The following SMOC2 variants were observed in gnomAD, a reference collection of about 807,000 sequenced individuals.
SMOC2 encodes SPARC related modular calcium binding 2.
A neutral mutation model predicts 61.4 loss-of-function variants in SMOC2; 39 were observed. That is an observed-to-expected ratio of 0.64 (90% CI 0.49 to 0.83). SMOC2 has a LOEUF of 0.83. Among genes scored for constraint, SMOC2 ranks in the 40% least tolerant of loss-of-function variants. The pLI is 0.00. For synonymous variants in SMOC2, 247 were observed against 239.9 expected, an observed-to-expected ratio of 1.03 and a Z score of -0.27; for missense variants, 556 against 592.9, an observed-to-expected ratio of 0.94 and a Z score of 0.65.
chr6:168,609,462 C>T (rs1455769549), intron 9 of SMOC2, among the ~76,000 whole-genome samples: 1 of 152,110 alleles, frequency 6.6e-6, no homozygotes, highest in African/African-American at 2.4e-5. Context: ...GAAGAGATCA[C>T]GATGGTGCAA....
chr6:168,465,403 T>C (rs1781805388), intron 1 of SMOC2, among the ~76,000 whole-genome samples: 1 of 151,464 alleles, frequency 6.6e-6, no homozygotes, highest in Non-Finnish European at 1.5e-5. Flanking sequence ...TTTTCTCGAA[T>C]GGTCAAGATT....
intron 1 of SMOC2, among the ~76,000 whole-genome samples, chr6:168,451,629 C>CTCTA (rs768012687): frequency 6.7e-6 from 1 of 150,142 alleles, no homozygotes; most frequent in Non-Finnish European, 1.5e-5. Context: ...CTCTCTCTCT[C>CTCTA]CCTCCCTCTC....
intron 7 of SMOC2, among the ~76,000 whole-genome samples, chr6:168,573,013 T>C (rs1170132139): frequency 2.0e-5 from 2 of 98,852 alleles, no homozygotes; most frequent in Non-Finnish European, 3.9e-5. Context: ...GGACCAGGGC[T>C]GCGTGGTCCC....
chr6:168,664,564 T>A (rs1451677957), intron 12 of SMOC2: 1 of 384,836 alleles, frequency 2.6e-6, no homozygotes, highest in Non-Finnish European at 5.1e-6. Context: ...TCCTCCATTT[T>A]GTCAGGGAGG....
At chr6:168,523,621 C>T (rs1366579172) in intron 2 of SMOC2, among the ~76,000 whole-genome samples, 1 of 149,054 alleles carries the variant, frequency 6.7e-6, no homozygotes, top group African/African-American at 2.5e-5. Flanking sequence ...GGATGGTCTT[C>T]ATCTCCTGAC....
At chr6:168,653,649 CCTCTA>C (rs2115277520) in intron 11 of SMOC2, among the ~76,000 whole-genome samples, 4 of 131,454 alleles carry the variant, frequency 3.0e-5, no homozygotes, top group South Asian at 2.5e-4. Context: ...ACTCACCAAC[CCTCTA>C]CCTGAGCTCC....
At chr6:168,599,134 A>T (rs1785415780) in intron 8 of SMOC2, 130 bp downstream of exon 8, 1 of 820,380 alleles carries the variant, frequency 1.2e-6, no homozygotes, top group Non-Finnish European at 1.9e-6. Flanking sequence ...ACTCACACAC[A>T]CTGATACCAC....
At chr6:168,613,839 C>T (rs879143934) in intron 9 of SMOC2, among the ~76,000 whole-genome samples, 1 of 121,170 alleles carries the variant, frequency 8.3e-6, no homozygotes, top group Non-Finnish European at 1.7e-5. Flanking sequence ...CTCTTCACAC[C>T]TACAGCCAGC....
chr6:168,490,947 C>A (rs1298624330), intron 1 of SMOC2, among the ~76,000 whole-genome samples: 1 of 152,176 alleles, frequency 6.6e-6, no homozygotes. Context: ...GCGGGGGCGG[C>A]TGGTCTCACT....
chr6:168,441,365 G>T lies in SMOC2; in HGVS notation c.-6G>T. On this transcript the variant is annotated 5_prime_UTR_variant, in exon 1 of 13. Coordinates refer to ENST00000356284, the MANE Select transcript of SMOC2 (RefSeq NM_001166412.2). ...CCGATCTCCCGCTCCCGCCACCTCC[G>T]CCACCATGCTGCTCCCCCAGCTCTG... 1.3e-6 allele frequency: 2 copies of T among 1,502,452 alleles called. No individual in the cohort carries two copies. The highest frequency in any genetic ancestry group is 1.8e-6 in the Non-Finnish European group (2 of 1,131,882). 93.1% of individuals were successfully genotyped at this position (1,502,452 alleles called of 1,614,324 possible).
chr6:168,567,513 G>A (rs958179777), intron 7 of SMOC2, among the ~76,000 whole-genome samples: 1 of 151,828 alleles, frequency 6.6e-6, no homozygotes, highest in Non-Finnish European at 1.5e-5. Flanking sequence ...GTGTGTGTGT[G>A]TGTCTTTCTA....
At chr6:168,652,323 C>T (rs138386308) in intron 10 of SMOC2, among the ~76,000 whole-genome samples, 46 of 152,242 alleles carry the variant, frequency 3.0e-4, no homozygotes, top group African/African-American at 1.1e-3. Flanking sequence ...ATGTACAGCT[C>T]ATCCCAACAG....
At chr6:168,639,351 AAAAG>A (rs1786832148) in intron 9 of SMOC2, among the ~76,000 whole-genome samples, 1 of 152,236 alleles carries the variant, frequency 6.6e-6, no homozygotes, top group African/African-American at 2.4e-5. Flanking sequence ...TAGTTTACGA[AAAAG>A]AAAAATCAAT....
At chr6:168,600,418 A>C (rs889834659) in intron 8 of SMOC2, among the ~76,000 whole-genome samples, 6 of 24,258 alleles carry the variant, frequency 2.5e-4, no homozygotes, top group African/African-American at 7.9e-4. Flanking sequence ...AAAAAAAAAA[A>C]AAACAAAAAA....
chr6:168,623,328 A>ATT (rs1786292041), intron 9 of SMOC2, among the ~76,000 whole-genome samples: 1 of 67,292 alleles, frequency 1.5e-5, no homozygotes, highest in Non-Finnish European at 3.3e-5. Flanking sequence ...ATGGATAATT[A>ATT]ATTTTTTTTT....
chr6:168,660,023 A>AGGTTGTGTGAGGCTGGAGATTGTT (rs1787467373), intron 11 of SMOC2, among the ~76,000 whole-genome samples: 3 of 40,472 alleles, frequency 7.4e-5, no homozygotes, highest in East Asian at 9.4e-4. Context: ...TGGAGGTTGT[A>AGGTTGTGTGAGGCTGGAGATTGTT]GGCTGGGTGA....
intron 7 of SMOC2, among the ~76,000 whole-genome samples, chr6:168,575,122 G>A (rs1247943319): frequency 6.6e-6 from 1 of 152,184 alleles, no homozygotes; most frequent in Non-Finnish European, 1.5e-5. Flanking sequence ...GAAGCGCTGG[G>A]CGGGCGTGGA....
chr6:168,640,624 GA>G (rs1442072564), intron 9 of SMOC2, among the ~76,000 whole-genome samples: 2 of 152,186 alleles, frequency 1.3e-5, no homozygotes, highest in African/African-American at 2.4e-5. Flanking sequence ...TACTAGTACG[GA>G]AGCTTATTTC....
chr6:168,457,322 G>A (rs570213607), intron 1 of SMOC2, among the ~76,000 whole-genome samples: 2 of 152,278 alleles, frequency 1.3e-5, no homozygotes, highest in East Asian at 1.9e-4. Context: ...GCACCCCAGC[G>A]TGACGCCAGC....
Sources: gnomAD v4.1 joint callset for allele counts (sites outside exome capture counted in the v4.1 genomes callset) on GRCh38, gnomAD v4.1.1 for gene constraint, MANE v1.5 for transcripts, NCBI Gene and HGNC (gene_info 2026-07-23, HGNC 2026-07-21) for gene names.